Variants in ROBO1 observed in about 807,000 individuals in gnomAD.
The protein encoded by ROBO1 is roundabout homolog 1.
Under a neutral mutation model 195.9 loss-of-function variants are expected in ROBO1, and 149 were observed. That is an observed-to-expected ratio of 0.76 (90% CI 0.67 to 0.87). ROBO1 has a LOEUF of 0.87. Among genes scored for constraint, ROBO1 ranks in the 40% least tolerant of loss-of-function variants. The pLI is 0.00. For missense variants in ROBO1, 1,933 were observed against 2,068.3 expected, an observed-to-expected ratio of 0.93 and a Z score of 1.27; for synonymous variants, 816 against 733.2, an observed-to-expected ratio of 1.11 and a Z score of -1.82.
chr3:79,215,295 C>T (rs2082035898), intron 2 of ROBO1, among the ~76,000 whole-genome samples: 1 of 152,084 alleles, frequency 6.6e-6, no homozygotes, highest in South Asian at 2.1e-4. Context: ...GTTCTTCTTG[C>T]TGATGCTCAT....
At chr3:79,492,139 C>T (rs28441979) in intron 2 of ROBO1, among the ~76,000 whole-genome samples, 2 of 151,870 alleles carry the variant, frequency 1.3e-5, no homozygotes, top group African/African-American at 4.8e-5. Flanking sequence ...CAAAAGAGGC[C>T]GTAGGTCAGG....
At chr3:78,876,518 A>G (rs536607093) in intron 4 of ROBO1, among the ~76,000 whole-genome samples, 36 of 152,316 alleles carry the variant, frequency 2.4e-4, no homozygotes, top group African/African-American at 8.7e-4. Flanking sequence ...TACACACGTA[A>G]TGCACTGCAA....
intron 2 of ROBO1, among the ~76,000 whole-genome samples, chr3:79,128,187 A>G (rs1041043860): frequency 1.3e-5 from 2 of 152,166 alleles, no homozygotes; most frequent in Non-Finnish European, 2.9e-5. Flanking sequence ...TGTTTACCAT[A>G]TCTAAAGGAG....
chr3:79,159,776 T>C (rs2080922991), intron 2 of ROBO1, among the ~76,000 whole-genome samples: 1 of 152,008 alleles, frequency 6.6e-6, no homozygotes, highest in African/African-American at 2.4e-5. Context: ...AGCCCAGGGT[T>C]GGATGCTTGA....
intron 8 of ROBO1, 40 bp downstream of exon 8, chr3:78,714,357 A>G (rs1428054535): frequency 1.0e-5 from 16 of 1,590,444 alleles, no homozygotes; most frequent in Non-Finnish European, 1.3e-5. Context: ...TATATTTTGT[A>G]TGCTAAAACC....
At chr3:79,618,692 T>C (rs1944902410) in intron 1 of ROBO1, among the ~76,000 whole-genome samples, 1 of 152,318 alleles carries the variant, frequency 6.6e-6, no homozygotes, top group Non-Finnish European at 1.5e-5. Context: ...ACAGAAAGCC[T>C]GTTTCATGGT....
intron 2 of ROBO1, among the ~76,000 whole-genome samples, chr3:79,137,250 A>T (rs1435312883): frequency 6.6e-6 from 1 of 152,116 alleles, no homozygotes; most frequent in African/African-American, 2.4e-5. Flanking sequence ...TCAAAATTTG[A>T]AAACGTTGTC....
At chr3:78,697,045 G>GACACACAC (rs10663468) in intron 8 of ROBO1, among the ~76,000 whole-genome samples, 1 of 146,418 alleles carries the variant, frequency 6.8e-6, no homozygotes, top group East Asian at 2.0e-4. Context: ...GTCACACACA[G>GACACACAC]ACACACACAC....
intron 2 of ROBO1, among the ~76,000 whole-genome samples, chr3:79,426,836 C>A (rs1185062971): frequency 6.6e-6 from 1 of 152,010 alleles, no homozygotes; most frequent in East Asian, 1.9e-4. Context: ...AAATATAGGT[C>A]TTAACCATTT....
chr3:79,319,497 A>G (rs183573802), intron 2 of ROBO1, among the ~76,000 whole-genome samples: 213 of 152,300 alleles, frequency 1.4e-3, no homozygotes, highest in Non-Finnish European at 2.2e-3. Flanking sequence ...AAGTAAGTCC[A>G]TTTAATAAGA....
chr3:79,019,039 C>T, intron 3 of ROBO1: 1 of 988,964 alleles, frequency 1.0e-6, no homozygotes, highest in Non-Finnish European at 1.2e-6. Context: ...ACTCCGCGCG[C>T]AGAGAGCGAG....
intron 10 of ROBO1, among the ~76,000 whole-genome samples, chr3:78,673,752 T>C (rs1392142130): frequency 1.3e-5 from 2 of 150,804 alleles, no homozygotes; most frequent in Non-Finnish European, 3.0e-5. Context: ...GAAGTCTATG[T>C]TAATATACAT....
chr3:79,056,424 A>G (rs948901597), intron 3 of ROBO1, among the ~76,000 whole-genome samples: 5 of 152,116 alleles, frequency 3.3e-5, no homozygotes, highest in African/African-American at 9.7e-5. Context: ...CAGAGGCTGG[A>G]TTACACATCG....
chr3:79,246,770 A>G (rs183496403), intron 2 of ROBO1, among the ~76,000 whole-genome samples: 134 of 152,210 alleles, frequency 8.8e-4, no homozygotes, highest in Non-Finnish European at 3.5e-4. Flanking sequence ...TAGAACCCAT[A>G]GACTGATCCC....
intron 1 of ROBO1, among the ~76,000 whole-genome samples, chr3:79,623,131 G>A (rs886962106): frequency 7.1e-5 from 10 of 141,420 alleles, no homozygotes; most frequent in African/African-American, 2.9e-4. Context: ...CAGTAACAAT[G>A]GCATCAACAA....
At chr3:79,641,848 T>C (rs1945673031) in intron 1 of ROBO1, among the ~76,000 whole-genome samples, 1 of 151,956 alleles carries the variant, frequency 6.6e-6, no homozygotes, top group Non-Finnish European at 1.5e-5. Flanking sequence ...TGAAACCCCA[T>C]CTCTATAAAA....
At chr3:79,275,325 C>T (rs968740919) in intron 2 of ROBO1, among the ~76,000 whole-genome samples, 1 of 151,924 alleles carries the variant, frequency 6.6e-6, no homozygotes, top group Middle Eastern at 3.2e-3. Flanking sequence ...GATGGCTTAA[C>T]ATATACAATT....
chr3:79,066,838 C>T (rs983251660), intron 3 of ROBO1, among the ~76,000 whole-genome samples: 1 of 151,868 alleles, frequency 6.6e-6, no homozygotes, highest in Admixed American at 6.6e-5. Flanking sequence ...TCATTCTCAG[C>T]AGATAACGAT....
At chr3:79,341,314 C>T (rs974662036) in intron 2 of ROBO1, among the ~76,000 whole-genome samples, 3 of 152,116 alleles carry the variant, frequency 2.0e-5, no homozygotes, top group Admixed American at 6.5e-5. Context: ...AAAAAACTAA[C>T]ATTCATACAT....
Sources: allele counts gnomAD v4.1 joint callset (sites outside exome capture counted in the v4.1 genomes callset), GRCh38; gene constraint gnomAD v4.1.1; transcripts MANE v1.5; gene names NCBI Gene and HGNC (gene_info 2026-07-23, HGNC 2026-07-21).